The following SLC14A2 variants were observed in gnomAD, a reference collection of about 807,000 sequenced individuals.
SLC14A2 encodes urea transporter 2.
In SLC14A2, 91 loss-of-function variants were observed where a neutral mutation model predicts 104.6. The observed-to-expected ratio is 0.87, with a 90% CI of 0.73 to 1.04. SLC14A2 has a LOEUF of 1.04. Ranked by LOEUF, SLC14A2 falls within the 50% of genes least tolerant of loss-of-function variation. SLC14A2 has a pLI of 0.00. For missense variants in SLC14A2, 1,189 were observed against 1,156.0 expected (o/e 1.03, Z -0.41); for synonymous variants, 476 against 466.4 (o/e 1.02, Z -0.27).
chr18:45,534,011 A>AC (rs1568263815), intron 2 of SLC14A2, among the ~76,000 whole-genome samples: 1 of 152,202 alleles, frequency 6.6e-6, no homozygotes, highest in Non-Finnish European at 1.5e-5. Flanking sequence ...AAACAAACAA[A>AC]AAACCTTGTT....
chr18:45,258,718 G>T (rs2084505424), intron 1 of SLC14A2, among the ~76,000 whole-genome samples: 1 of 142,862 alleles, frequency 7.0e-6, no homozygotes, highest in African/African-American at 2.8e-5. Context: ...TCATCCACGT[G>T]GTCCTTTGCA....
In SLC14A2 at chr18:45,632,399, C is replaced by A. The variant is rs762600250; in HGVS notation, c.571C>A (p.Leu191Met). 1.2e-6 allele frequency: 2 copies of A among 1,614,014 alleles called. No homozygotes were observed. Among genetic ancestry groups the A allele is most frequent in the African/African-American group, 2.7e-5 (2 of 74,908 alleles). The stretch of plus-strand genomic sequence containing the variant: ...TGGGTACAACGGGATGCTGGTGGGA[C>A]TGCTGATGGCCGTGTTCTCGGAGAA... Reference protein sequence around the residue: ...LHGYNGMLVGLLMAVFSEKLD... With the variant: ...LHGYNGMLVGMLMAVFSEKLD... The change falls in exon 5 of 20, where the codon CTG becomes ATG. Residue 191 changes from leucine (L) to methionine (M), a missense_variant. Leu to Met is a conservative substitution (Grantham distance 15). Coordinates refer to ENST00000255226, the MANE Select transcript of SLC14A2 (RefSeq NM_007163.4).
At chr18:45,363,283 C>A (rs545260945) in intron 1 of SLC14A2, among the ~76,000 whole-genome samples, 146 of 152,238 alleles carry the variant, frequency 9.6e-4, no homozygotes, top group African/African-American at 3.3e-3. Flanking sequence ...TTAGCATACC[C>A]ATTCAGGCCT....
chr18:45,418,412 A>C (rs2086301658), intron 1 of SLC14A2, among the ~76,000 whole-genome samples: 1 of 152,232 alleles, frequency 6.6e-6, no homozygotes, highest in South Asian at 2.1e-4. Context: ...CAACTAAGCT[A>C]CAAGAAAGTG....
intron 1 of SLC14A2, among the ~76,000 whole-genome samples, chr18:45,413,466 A>G (rs1183859646): frequency 1.3e-5 from 2 of 152,162 alleles, no homozygotes; most frequent in African/African-American, 2.4e-5. Context: ...TCAAGCAGTG[A>G]TACTATTTTG....
the SLC14A2 span, among the ~76,000 whole-genome samples, chr18:45,197,923 A>G: frequency 1.2e-4 from 19 of 152,334 alleles, no homozygotes; most frequent in Non-Finnish European, 2.4e-4. Context: ...GGAAAAATGA[A>G]AATCTAAAGC....
chr18:45,288,411 C>T (rs1447474598), intron 1 of SLC14A2, among the ~76,000 whole-genome samples: 1 of 152,162 alleles, frequency 6.6e-6, no homozygotes, highest in African/African-American at 2.4e-5. Flanking sequence ...GCAGGAGCAA[C>T]GATGGTGACA....
At position 45,668,380 on chromosome 18, in the gene SLC14A2, A is replaced by T; in HGVS notation, c.1939A>T (p.Asn647Tyr). 6.2e-7 allele frequency: 1 copy of T among 1,614,084 alleles called. No homozygotes were observed. The highest frequency in any genetic ancestry group is 8.5e-7 in the Non-Finnish European group (1 of 1,179,982). ...SAIAAGFHGYNGVLVGLLMAV... is the reference protein window; with the variant it reads ...SAIAAGFHGYYGVLVGLLMAV... Reference sequence around the variant, plus strand: ...CATCGCTGCAGGATTTCACGGCTACAATGGGGTGCTGGTGGGGCTGCTGAT... The same window carrying T: ...CATCGCTGCAGGATTTCACGGCTACTATGGGGTGCTGGTGGGGCTGCTGAT... Residue 647 changes from asparagine to tyrosine, a missense_variant, in exon 15 of 20, where the codon AAT becomes TAT. Physicochemically the swap from Asn to Tyr is moderately radical, Grantham distance 143. Transcript: ENST00000255226.
At chr18:45,523,993 G>A (rs8099211) in intron 2 of SLC14A2, among the ~76,000 whole-genome samples, 40,898 of 152,112 alleles carry the variant, frequency 0.27, 6,090 homozygotes, top group African/African-American at 0.39. Context: ...TGTAAAGTAC[G>A]GAGTTGAATT....
chr18:45,567,306 A>T (rs1270124975), intron 2 of SLC14A2, among the ~76,000 whole-genome samples: 1 of 152,028 alleles, frequency 6.6e-6, no homozygotes, highest in African/African-American at 2.4e-5. Context: ...GCTGAGATAG[A>T]CAGAGACGCT....
intron 1 of SLC14A2, among the ~76,000 whole-genome samples, chr18:45,471,150 A>T (rs2852287): frequency 0.22 from 33,562 of 152,146 alleles, 4,028 homozygotes; most frequent in Non-Finnish European, 0.27. Flanking sequence ...TGTGTGGTGA[A>T]GCATTTGTAC....
intron 1 of SLC14A2, among the ~76,000 whole-genome samples, chr18:45,445,023 A>G (rs1380432979): frequency 6.6e-6 from 1 of 152,086 alleles, no homozygotes; most frequent in Non-Finnish European, 1.5e-5. Context: ...CTATGAAGGA[A>G]TGCAAAACAA....
chr18:45,532,018 C>T (rs139203557), intron 2 of SLC14A2, among the ~76,000 whole-genome samples: 14,108 of 152,020 alleles, frequency 0.093, 759 homozygotes, highest in Non-Finnish European at 0.12. Flanking sequence ...TGTAGATATG[C>T]GGCATTATTT....
intron 1 of SLC14A2, among the ~76,000 whole-genome samples, chr18:45,343,809 G>C (rs927848857): frequency 6.6e-6 from 1 of 152,082 alleles, no homozygotes; most frequent in African/African-American, 2.4e-5. Flanking sequence ...GAGATCAAAA[G>C]AAATTTGAAA....
chr18:45,429,717 G>A (rs144996608), intron 1 of SLC14A2, among the ~76,000 whole-genome samples: 146 of 152,302 alleles, frequency 9.6e-4, no homozygotes, highest in Non-Finnish European at 1.7e-3. Context: ...ACAGAAGTGC[G>A]TGAGTTTGAT....
At chr18:45,613,333 T>C (rs1599065626), upstream of SLC14A2, among the ~76,000 whole-genome samples, 1 of 152,294 alleles carries the variant, frequency 6.6e-6, no homozygotes, top group East Asian at 1.9e-4. Context: ...GCAGTTTTTA[T>C]AACAGTATGA....
At chr18:45,487,667 G>A (rs2087634769) in intron 2 of SLC14A2, among the ~76,000 whole-genome samples, 1 of 152,134 alleles carries the variant, frequency 6.6e-6, no homozygotes, top group Admixed American at 6.6e-5. Context: ...GCAGAGGAGT[G>A]GAATTAAAAG....
chr18:45,168,237 T>A, the SLC14A2 span, among the ~76,000 whole-genome samples: 13 of 152,210 alleles, frequency 8.5e-5, no homozygotes, highest in Admixed American at 7.9e-4. Context: ...AAAGGTGAGT[T>A]GCTTTAAATC....
chr18:45,398,160 G>A (rs1333488318), intron 1 of SLC14A2, among the ~76,000 whole-genome samples: 1 of 152,114 alleles, frequency 6.6e-6, no homozygotes, highest in African/African-American at 2.4e-5. Context: ...ATGAGGCAAG[G>A]CCCACACAGC....
Sources: gnomAD v4.1 joint callset for allele counts (sites outside exome capture counted in the v4.1 genomes callset) on GRCh38, gnomAD v4.1.1 for gene constraint, MANE v1.5 for transcripts, NCBI Gene and HGNC (gene_info 2026-07-23, HGNC 2026-07-21) for gene names.